TSNARE1: variants seen among roughly 807,000 people sequenced by gnomAD.
The protein encoded by TSNARE1 is t-SNARE domain-containing protein 1.
A neutral mutation model predicts 62.0 loss-of-function variants in TSNARE1; 49 were observed. That is an observed-to-expected ratio of 0.79 (90% CI 0.63 to 1.00). TSNARE1 has a LOEUF of 1.00. Among genes scored for constraint, TSNARE1 ranks in the 50% least tolerant of loss-of-function variants. The pLI is 0.00. For synonymous variants in TSNARE1, 328 were observed against 294.4 expected, an observed-to-expected ratio of 1.11 and a Z score of -1.17; for missense variants, 755 against 700.1, an observed-to-expected ratio of 1.08 and a Z score of -0.88.
rs1563894869 is a variant in TSNARE1 at position 142,315,061 on chromosome 8, A to G, written c.1016T>C (p.Leu339Pro). The change falls in exon 8 of 14, where the codon CTG (leucine) becomes CCG (proline). Residue 339 changes from leucine (L) to proline (P), a missense_variant. Leu to Pro is a moderately conservative substitution (Grantham distance 98). Transcript: ENST00000524325. ...TGAGAGCTGGGTTTTCAGCCGGTCC[A>G]GCTGAGGACGCTCCTGCTGCAGACG... ...QERLQQERPQ[L>P]DRLKTQLSDA... The G allele has an allele frequency of 1.2e-6, 2 of 1,614,020 alleles. No homozygotes were observed. Among genetic ancestry groups the G allele is most frequent in the Non-Finnish European group, 1.7e-6 (2 of 1,180,030 alleles).
chr8:142,243,039 G>A (rs1471995844), intron 12 of TSNARE1, among the ~76,000 whole-genome samples: 2 of 149,188 alleles, frequency 1.3e-5, no homozygotes, highest in African/African-American at 2.5e-5. Context: ...AAACCAAAAT[G>A]AAGTATCGCC....
At chr8:142,324,762 C>T (rs1009361422) in intron 6 of TSNARE1, among the ~76,000 whole-genome samples, 3 of 152,208 alleles carry the variant, frequency 2.0e-5, no homozygotes, top group Non-Finnish European at 2.9e-5. Context: ...CCCGAGCTCT[C>T]CCAGCCTCCA....
At chr8:142,371,154 G>A (rs12677540) in intron 1 of TSNARE1, among the ~76,000 whole-genome samples, 31,308 of 152,202 alleles carry the variant, frequency 0.21, 3,448 homozygotes, top group African/African-American at 0.27. Flanking sequence ...TTCCTTGAAG[G>A]ACGCAACCCT....
chr8:142,242,410 A>G (rs1817707326), intron 12 of TSNARE1, among the ~76,000 whole-genome samples: 1 of 152,254 alleles, frequency 6.6e-6, no homozygotes, highest in Non-Finnish European at 1.5e-5. Flanking sequence ...AAAAATAAAC[A>G]AAACAGATTG....
intron 1 of TSNARE1, among the ~76,000 whole-genome samples, chr8:142,385,815 T>C (rs145081810): frequency 3.9e-5 from 6 of 152,340 alleles, no homozygotes; most frequent in East Asian, 3.9e-4. Flanking sequence ...ACCACAAATG[T>C]AGCTGCTTAA....
intron 13 of TSNARE1, among the ~76,000 whole-genome samples, chr8:142,213,883 GC>G (rs1013323886): frequency 1.3e-5 from 2 of 151,850 alleles, no homozygotes; most frequent in Non-Finnish European, 2.9e-5. Flanking sequence ...TCAGAGCCCA[GC>G]CCCCCAGGAA....
chr8:142,308,846 T>C (rs2131494364), intron 9 of TSNARE1, among the ~76,000 whole-genome samples: 1 of 152,258 alleles, frequency 6.6e-6, no homozygotes, highest in East Asian at 1.9e-4. Context: ...GCCTACAGAT[T>C]CACTGGGTGA....
chr8:142,339,287 C>G (rs1041871741), intron 4 of TSNARE1, among the ~76,000 whole-genome samples: 6 of 152,084 alleles, frequency 3.9e-5, no homozygotes. Context: ...GGATGCGGCT[C>G]AAAGCGAAGT....
intron 6 of TSNARE1, among the ~76,000 whole-genome samples, chr8:142,324,805 A>G (rs1829964902): frequency 6.6e-6 from 1 of 152,170 alleles, no homozygotes; most frequent in South Asian, 2.1e-4. Flanking sequence ...TCGCCCTGGA[A>G]GGCACCCTGC....
At chr8:142,215,567 C>T (rs1248755127) in intron 13 of TSNARE1, among the ~76,000 whole-genome samples, 1 of 152,190 alleles carries the variant, frequency 6.6e-6, no homozygotes, top group African/African-American at 2.4e-5. Flanking sequence ...CAGCAGGGCC[C>T]AGCCTCGAAC....
chr8:142,305,706 C>A (rs1260856724), intron 9 of TSNARE1, among the ~76,000 whole-genome samples: 1 of 152,202 alleles, frequency 6.6e-6, no homozygotes, highest in Non-Finnish European at 1.5e-5. Flanking sequence ...GTCTTGAGCT[C>A]CGAGGCTGGG....
chr8:142,288,277 G>A (rs570425099), intron 10 of TSNARE1, among the ~76,000 whole-genome samples: 16 of 152,222 alleles, frequency 1.1e-4, no homozygotes, highest in South Asian at 2.1e-4. Context: ...TTCCAGGCAC[G>A]CCTCTGTGCA....
intron 13 of TSNARE1, among the ~76,000 whole-genome samples, chr8:142,219,829 C>T (rs1193444608): frequency 1.3e-5 from 2 of 152,246 alleles, no homozygotes; most frequent in Non-Finnish European, 2.9e-5. Context: ...CTCCTTCACC[C>T]CGAAGGCCCG....
rs1006752167 is a variant in TSNARE1, at chr8:142,354,695, A to C, written c.30T>G (p.Gly10=). 5 of 1,612,412 alleles carry C rather than the reference A, an allele frequency of 3.1e-6. No individual in the cohort carries two copies. In the African/African-American group the frequency reaches 4.0e-5, roughly 13 times the overall value. Residue 10 remains glycine (G), a synonymous_variant, in exon 2 of 14, where the codon GGT becomes GGG. Coordinates refer to ENST00000524325, the MANE Select transcript of TSNARE1 (RefSeq NM_145003.5). The part of the protein sequence containing the change: MSYGSIARG[G]GLGSRGPFGG... ...CGAAAGGGCCACGGCTCCCCAGGCC[A>C]CCTCCACGGGCGATGGATCCGTATG...
At chr8:142,249,096 G>T (rs914590599) in intron 12 of TSNARE1, among the ~76,000 whole-genome samples, 1 of 152,242 alleles carries the variant, frequency 6.6e-6, no homozygotes, top group Non-Finnish European at 1.5e-5. Context: ...CCGCCAGACC[G>T]CACACAGCAG....
intron 12 of TSNARE1, among the ~76,000 whole-genome samples, chr8:142,241,800 C>T (rs1184827849): frequency 1.3e-5 from 2 of 152,312 alleles, no homozygotes; most frequent in East Asian, 3.9e-4. Context: ...CGGGTATCTA[C>T]ACACAGAAGA....
chr8:142,315,565 C>T (rs143717716), intron 7 of TSNARE1, among the ~76,000 whole-genome samples: 3 of 152,384 alleles, frequency 2.0e-5, no homozygotes, highest in African/African-American at 7.2e-5. Flanking sequence ...TTCGCCACCA[C>T]ACCTCAGTGC....
intron 1 of TSNARE1, among the ~76,000 whole-genome samples, chr8:142,358,791 G>A (rs1038826180): frequency 6.6e-6 from 1 of 152,066 alleles, no homozygotes; most frequent in Non-Finnish European, 1.5e-5. Flanking sequence ...CCCCCCCATC[G>A]CTGGGAGACC....
intron 9 of TSNARE1, among the ~76,000 whole-genome samples, chr8:142,310,506 G>A (rs1308677758): frequency 1.3e-5 from 2 of 152,164 alleles, no homozygotes; most frequent in African/African-American, 2.4e-5. Context: ...CCTTTTCCAC[G>A]TGGAGGGGGT....
Sources: gnomAD v4.1 joint callset for allele counts (sites outside exome capture counted in the v4.1 genomes callset) on GRCh38, gnomAD v4.1.1 for gene constraint, MANE v1.5 for transcripts, NCBI Gene and HGNC (gene_info 2026-07-23, HGNC 2026-07-21) for gene names.